The following BMPR1B variants were observed in gnomAD, a reference collection of about 807,000 sequenced individuals.
BMPR1B encodes the protein bone morphogenetic protein receptor type-1B.
BMPR1B carries 12 observed loss-of-function variants against 59.1 expected under a neutral mutation model. The observed-to-expected ratio is 0.20, with a 90% CI of 0.13 to 0.33. BMPR1B has a LOEUF of 0.33. BMPR1B is among the 10% of genes least tolerant of loss of function. BMPR1B has a pLI of 1.00. For missense variants in BMPR1B, 550 were observed against 610.9 expected (o/e 0.90, Z 1.05); for synonymous variants, 237 against 207.3 (o/e 1.14, Z -1.23).
chr4:94,882,970 G>C (rs916705285), intron 2 of BMPR1B, among the ~76,000 whole-genome samples: 1 of 134,594 alleles, frequency 7.4e-6, no homozygotes, highest in Non-Finnish European at 1.6e-5. Context: ...GTGTGTGCGT[G>C]TGTGTGTATG....
intron 2 of BMPR1B, among the ~76,000 whole-genome samples, chr4:94,979,345 T>TA (rs568704765): frequency 3.9e-4 from 59 of 151,968 alleles, no homozygotes; most frequent in African/African-American, 1.1e-3. Context: ...TCTTTTATGT[T>TA]AAAAAAAAAC....
Position 94,910,468 on chromosome 4 carries a change from A to G in BMPR1B, c.-113+34568A>G, listed in dbSNP as rs1267719151. Among the ~76,000 whole-genome samples the G allele has an allele frequency of 5.3e-5, 8 of 152,122 alleles. No homozygotes were observed. The East Asian group carries it at 5.8e-4, about 11-fold the overall frequency. On this transcript the variant is annotated intron_variant, in intron 2 of 12. Coordinates refer to ENST00000515059, the MANE Select transcript of BMPR1B (RefSeq NM_001203.3). Reference sequence around the variant, plus strand: ...AATTCTTTCCTGCTATTAGAGAGCAATGGCAAAAAGCAAGATTCAATCTAG... The same window carrying G: ...AATTCTTTCCTGCTATTAGAGAGCAGTGGCAAAAAGCAAGATTCAATCTAG...
intron 2 of BMPR1B, among the ~76,000 whole-genome samples, chr4:94,921,005 A>G (rs1256699951): frequency 1.3e-5 from 2 of 152,150 alleles, no homozygotes; most frequent in Admixed American, 1.3e-4. Context: ...GTATGTTTTT[A>G]CCCATTTTAA....
intron 1 of BMPR1B, among the ~76,000 whole-genome samples, chr4:94,809,588 C>T (rs1031135948): frequency 6.6e-6 from 1 of 152,192 alleles, no homozygotes; most frequent in Non-Finnish European, 1.5e-5. Context: ...TAAATATTCT[C>T]ATTAAGTGCT....
chr4:94,985,400 T>C (rs1275043485), intron 2 of BMPR1B, among the ~76,000 whole-genome samples: 1 of 152,016 alleles, frequency 6.6e-6, no homozygotes, highest in East Asian at 1.9e-4. Flanking sequence ...GAGTAGATAG[T>C]AACTAATTGG....
At chr4:95,035,610 G>C (rs1235230528) in intron 3 of BMPR1B, among the ~76,000 whole-genome samples, 2 of 152,030 alleles carry the variant, frequency 1.3e-5, no homozygotes, top group Non-Finnish European at 2.9e-5. Context: ...CTTTATTTCT[G>C]GGTTCTCTAT....
intron 11 of BMPR1B, among the ~76,000 whole-genome samples, chr4:95,151,041 T>TA (rs1286584579): frequency 6.6e-6 from 1 of 152,228 alleles, no homozygotes; most frequent in Admixed American, 6.5e-5. Flanking sequence ...ATGAAGATAT[T>TA]AGAAGTTTTT....
At chr4:94,962,092 C>G (rs1025392108) in intron 2 of BMPR1B, among the ~76,000 whole-genome samples, 1 of 130,372 alleles carries the variant, frequency 7.7e-6, no homozygotes, top group Non-Finnish European at 1.5e-5. Context: ...TCCTTCCTTC[C>G]TTCCTTCCTT....
chr4:95,120,884 C>T (rs60472405), intron 6 of BMPR1B, among the ~76,000 whole-genome samples: 69,507 of 151,260 alleles, frequency 0.46, 17,627 homozygotes, highest in Admixed American at 0.59. Flanking sequence ...TTTCTGCTCA[C>T]TGCAACCTCC....
chr4:94,925,286 T>C (rs969864732), intron 2 of BMPR1B, among the ~76,000 whole-genome samples: 11 of 152,126 alleles, frequency 7.2e-5, no homozygotes, highest in African/African-American at 2.7e-4. Context: ...TCTAGAAATA[T>C]AATTTTTAAC....
chr4:95,142,367 T>G (rs1353350345), intron 10 of BMPR1B, among the ~76,000 whole-genome samples: 1 of 152,162 alleles, frequency 6.6e-6, no homozygotes, highest in Non-Finnish European at 1.5e-5. Context: ...CTGTAGTATA[T>G]GTAATGGGTA....
intron 3 of BMPR1B, among the ~76,000 whole-genome samples, chr4:95,098,267 C>A (rs1056143292): frequency 6.6e-6 from 1 of 152,056 alleles, no homozygotes; most frequent in African/African-American, 2.4e-5. Context: ...AATTACCAGG[C>A]AAATTCATAT....
intron 3 of BMPR1B, among the ~76,000 whole-genome samples, chr4:95,035,811 G>A (rs538107836): frequency 1.3e-5 from 2 of 152,224 alleles, no homozygotes; most frequent in African/African-American, 4.8e-5. Flanking sequence ...TTCTAGTTCT[G>A]TGAAGAACGA....
chr4:94,987,235 TA>T (rs1205859559), intron 2 of BMPR1B, among the ~76,000 whole-genome samples: 11 of 143,806 alleles, frequency 7.6e-5, no homozygotes, highest in South Asian at 2.1e-4. Context: ...ATAATATATG[TA>T]ATATATAATA....
intron 2 of BMPR1B, among the ~76,000 whole-genome samples, chr4:94,967,802 T>C (rs116440772): frequency 6.6e-6 from 1 of 152,106 alleles, no homozygotes; most frequent in African/African-American, 2.4e-5. Context: ...TAACTTTGAT[T>C]TACAAGTGTT....
chr4:94,828,410 T>C (rs1389297708), intron 1 of BMPR1B, among the ~76,000 whole-genome samples: 1 of 152,224 alleles, frequency 6.6e-6, no homozygotes, highest in East Asian at 1.9e-4. Flanking sequence ...GAAAACACTT[T>C]TAAAGAGTCC....
At chr4:95,094,743 C>T (rs1730241769) in intron 3 of BMPR1B, among the ~76,000 whole-genome samples, 2 of 152,074 alleles carry the variant, frequency 1.3e-5, no homozygotes. Context: ...TCAAGTCTAG[C>T]TCCACTGCTC....
chr4:95,132,409 T>C (rs1163354265), intron 10 of BMPR1B, among the ~76,000 whole-genome samples: 1 of 152,094 alleles, frequency 6.6e-6, no homozygotes, highest in African/African-American at 2.4e-5. Flanking sequence ...AAAGACTGAT[T>C]GATTGGTATT....
chr4:94,869,951 G>C (rs542112432), intron 1 of BMPR1B, among the ~76,000 whole-genome samples: 6 of 152,242 alleles, frequency 3.9e-5, no homozygotes, highest in African/African-American at 1.4e-4. Context: ...ATTAATAGTA[G>C]TACTTTCAAG....
Sources: gnomAD v4.1 joint callset for allele counts (sites outside exome capture counted in the v4.1 genomes callset) on GRCh38, gnomAD v4.1.1 for gene constraint, MANE v1.5 for transcripts, NCBI Gene and HGNC (gene_info 2026-07-23, HGNC 2026-07-21) for gene names.